Variants in ST18 observed in about 807,000 individuals in gnomAD.
ST18 encodes ST18 C2H2C-type zinc finger transcription factor, also known as suppression of tumorigenicity 18 protein.
ST18 carries 50 observed loss-of-function variants against 110.0 expected under a neutral mutation model. That is an observed-to-expected ratio of 0.45 (90% CI 0.36 to 0.58). ST18 has a LOEUF of 0.58. ST18 is among the 20% of genes least tolerant of loss of function. ST18 has a pLI of 0.00. For synonymous variants in ST18, 461 were observed against 452.4 expected, an observed-to-expected ratio of 1.02 and a Z score of -0.24; for missense variants, 1,306 against 1,280.1, an observed-to-expected ratio of 1.02 and a Z score of -0.31.
Position 52,388,542 on chromosome 8 carries a change from A to G in ST18, c.-465+20786T>C, listed in dbSNP as rs1406666748. Among the ~76,000 whole-genome samples the G allele has an allele frequency of 5.3e-5, 8 of 152,088 alleles. No homozygotes were observed. The East Asian group carries it at 1.5e-3, about 29-fold the overall frequency. On this transcript the variant is annotated intron_variant, in intron 2 of 25. Transcript: ENST00000689386. ...ATCTGTGTTTTAAGGTGCTACGAAT[A>G]AAGTGTTGAGTATTGGTCCCAGTCT...
chr8:52,268,492 T>TATCTATCTATCTATC (rs1554799086), intron 2 of ST18, among the ~76,000 whole-genome samples: 4 of 151,066 alleles, frequency 2.6e-5, no homozygotes, highest in Non-Finnish European at 5.9e-5. Context: ...TCTATCTATC[T>TATCTATCTATCTATC]ATCTATCTAT....
At chr8:52,114,501 T>C (rs916844633) in intron 25 of ST18, among the ~76,000 whole-genome samples, 4 of 152,236 alleles carry the variant, frequency 2.6e-5, no homozygotes, top group Admixed American at 1.3e-4. Flanking sequence ...AATGTCAAAG[T>C]ACTGTTATTG....
chr8:52,331,504 C>T (rs1809397018), intron 2 of ST18, among the ~76,000 whole-genome samples: 1 of 152,078 alleles, frequency 6.6e-6, no homozygotes, highest in Non-Finnish European at 1.5e-5. Context: ...CCCAGCCCGT[C>T]TCTGCAATGA....
intron 15 of ST18, among the ~76,000 whole-genome samples, chr8:52,150,666 G>A (rs1426326520): frequency 6.6e-6 from 1 of 152,148 alleles, no homozygotes; most frequent in African/African-American, 2.4e-5. Context: ...GCCTGACTGA[G>A]GTTGAAGCCC....
intron 9 of ST18, among the ~76,000 whole-genome samples, chr8:52,175,768 G>A (rs919599541): frequency 1.3e-5 from 2 of 152,126 alleles, no homozygotes; most frequent in African/African-American, 4.8e-5. Context: ...AGGCTTGCTC[G>A]AGACCACATG....
intron 24 of ST18, among the ~76,000 whole-genome samples, chr8:52,117,376 C>T (rs2042933169): frequency 6.6e-6 from 1 of 152,166 alleles, no homozygotes; most frequent in African/African-American, 2.4e-5. Context: ...CAGCCACTCG[C>T]CCAGCCCCCT....
rs183015864 is a variant in ST18 at position 52,196,778 on chromosome 8, T to A, written c.86+15301A>T. On this transcript the variant is annotated intron_variant, in intron 8 of 25. Transcript: ENST00000689386. ...ACTAGCTGAGGTTTCAGGCAGCCAC[T>A]GGGGTCTTGGAATTAACCCTTTAGG... 2.0e-5 allele frequency among the ~76,000 whole-genome samples: 3 copies of A among 152,276 alleles called. No homozygotes were observed. The East Asian group carries it at 5.8e-4, about 29-fold the overall frequency.
chr8:52,352,912 T>G (rs1257346684), intron 2 of ST18, among the ~76,000 whole-genome samples: 1 of 152,190 alleles, frequency 6.6e-6, no homozygotes, highest in Non-Finnish European at 1.5e-5. Flanking sequence ...CCAATATTCA[T>G]TTTATGGAAG....
At chr8:52,295,805 G>T (rs901201866) in intron 2 of ST18, among the ~76,000 whole-genome samples, 1 of 148,628 alleles carries the variant, frequency 6.7e-6, no homozygotes, top group Non-Finnish European at 1.5e-5. Flanking sequence ...GACTTGCAGC[G>T]CCAGTTCTGC....
intron 2 of ST18, among the ~76,000 whole-genome samples, chr8:52,401,815 G>T (rs7836153): frequency 0.034 from 5,213 of 151,940 alleles, 295 homozygotes; most frequent in African/African-American, 0.12. Flanking sequence ...CCAGTTACTA[G>T]GGAATTATGG....
At chr8:52,334,350 C>T (rs75873307) in intron 2 of ST18, among the ~76,000 whole-genome samples, 2,419 of 152,228 alleles carry the variant, frequency 0.016, 60 homozygotes, top group African/African-American at 0.056. Flanking sequence ...AATTATTTCA[C>T]CTGATTTACA....
Position 52,370,360 on chromosome 8 carries a change from A to T in ST18, c.-465+38968T>A, listed in dbSNP as rs1186366540. Among the ~76,000 whole-genome samples the T allele has an allele frequency of 1.0e-4, 15 of 149,926 alleles. No individual in the cohort carries two copies. The East Asian group carries it at 2.9e-3, about 29-fold the overall frequency. On this transcript the variant is annotated intron_variant, in intron 2 of 25. Transcript: ENST00000689386. ...GTTTATCAGGCAGGCACATGTGTGC[A>T]TGTGTGTGTGTGCATGCATGCATGT...
chr8:52,127,695 C>T (rs2047598342), intron 22 of ST18, among the ~76,000 whole-genome samples: 1 of 151,866 alleles, frequency 6.6e-6, no homozygotes, highest in Non-Finnish European at 1.5e-5. Flanking sequence ...AATTACATGA[C>T]TTAGAAGCAA....
intron 2 of ST18, among the ~76,000 whole-genome samples, chr8:52,308,012 C>A (rs1589780271): frequency 6.6e-6 from 1 of 152,108 alleles, no homozygotes; most frequent in Non-Finnish European, 1.5e-5. Flanking sequence ...TTTAAAGAAA[C>A]CTGAAGAGCC....
chr8:52,175,389 C>T (rs2066527818), intron 9 of ST18, among the ~76,000 whole-genome samples: 2 of 152,182 alleles, frequency 1.3e-5, no homozygotes, highest in South Asian at 4.1e-4. Context: ...CAACTCAGTT[C>T]ATCCCCACTC....
chr8:52,121,013 T>C (rs868661182), intron 23 of ST18, among the ~76,000 whole-genome samples: 7 of 152,264 alleles, frequency 4.6e-5, no homozygotes, highest in Middle Eastern at 3.4e-3. Context: ...GAGCTGTCTC[T>C]GTGATGAGGC....
At chr8:52,334,405 A>T (rs1250573894) in intron 2 of ST18, among the ~76,000 whole-genome samples, 2 of 152,208 alleles carry the variant, frequency 1.3e-5, no homozygotes, top group African/African-American at 4.8e-5. Flanking sequence ...GAAAGCACCC[A>T]CATGTGTAAC....
chr8:52,166,060 A>T lies in ST18; in HGVS notation c.1204+792T>A, dbSNP rs1303476038. On this transcript the variant is annotated intron_variant, in intron 11 of 25. Coordinates refer to ENST00000689386, the MANE Select transcript of ST18 (RefSeq NM_001352837.2). The stretch of plus-strand genomic sequence containing the variant: ...AGACAACACCAAGGAGTATATTCCC[A>T]TTGCGAGAGGAGGCCAGGAGGACCA... 2.6e-5 allele frequency among the ~76,000 whole-genome samples: 4 copies of T among 152,122 alleles called. No individual in the cohort carries two copies. In the East Asian group the frequency reaches 7.7e-4, roughly 29 times the overall value.
chr8:52,240,854 T>C (rs1208859098), intron 2 of ST18, among the ~76,000 whole-genome samples: 1 of 152,192 alleles, frequency 6.6e-6, no homozygotes, highest in Non-Finnish European at 1.5e-5. Context: ...TCTCACTCTA[T>C]ATATTCTCCT....
Sources: allele counts gnomAD v4.1 joint callset (sites outside exome capture counted in the v4.1 genomes callset), GRCh38; gene constraint gnomAD v4.1.1; transcripts MANE v1.5; gene names NCBI Gene and HGNC (gene_info 2026-07-23, HGNC 2026-07-21).